The following PNPLA7 variants were observed in gnomAD, a reference collection of about 807,000 sequenced individuals.
PNPLA7 encodes the protein patatin-like phospholipase domain-containing protein 7.
In PNPLA7, 153 loss-of-function variants were observed where a neutral mutation model predicts 161.7. The observed-to-expected ratio is 0.95, with a 90% CI of 0.83 to 1.08. The LOEUF is 1.08. Among genes scored for constraint, PNPLA7 ranks in the 50% least tolerant of loss-of-function variants. The pLI is 0.00. For synonymous variants in PNPLA7, 809 were observed against 782.1 expected (o/e 1.03, Z -0.57); for missense variants, 1,739 against 1,856.6 (o/e 0.94, Z 1.16).
At chr9:137,503,897 A>AGAAGGAGGAG in intron 14 of PNPLA7, among the ~76,000 whole-genome samples, 1 of 148,070 alleles carries the variant, frequency 6.8e-6, no homozygotes, top group African/African-American at 2.6e-5. Context: ...AGGAAGAAGA[A>AGAAGGAGGAG]GAAGGAAGAA....
chr9:137,486,180 AG>A lies in PNPLA7; in HGVS notation c.2198-1445del. 6.6e-6 allele frequency among the ~76,000 whole-genome samples: 1 copy of A among 152,096 alleles called. No homozygotes were observed. The highest frequency in any genetic ancestry group is 2.1e-4 in the South Asian group (1 of 4,818). On this transcript the variant is annotated intron_variant, in intron 20 of 34. Transcript: ENST00000406427. The surrounding 1 kb of genome is among the most constrained non-coding windows in gnomAD (Gnocchi z 6.0). ...GCAGGTCCTGATTGGCCAAGGTCAG[AG>A]TAAGGGGACGCGGCATGGTGAGGGA...
At chr9:137,528,706 CTTTTTTTTTTTTG>C (rs1564357093) in intron 8 of PNPLA7, among the ~76,000 whole-genome samples, 1 of 141,624 alleles carries the variant, frequency 7.1e-6, no homozygotes, top group Non-Finnish European at 1.5e-5. Context: ...TTCTTCCAGC[CTTTTTTTTTTTTG>C]AGATGGAGTC....
At chr9:137,494,255 G>A (rs145151981) in intron 19 of PNPLA7, among the ~76,000 whole-genome samples, 183 of 152,010 alleles carry the variant, frequency 1.2e-3, no homozygotes, top group African/African-American at 4.1e-3. Context: ...CGAGCAGCCC[G>A]CCCTGTCCTT....
chr9:137,480,838 C>A, intron 22 of PNPLA7, 122 bp downstream of exon 22: 3 of 1,109,796 alleles, frequency 2.7e-6, no homozygotes, highest in South Asian at 1.4e-5. Flanking sequence ...AGCCCTCACA[C>A]CACAGTGTGC....
In PNPLA7 at chr9:137,481,075, C is replaced by T. The variant is rs377364720; in HGVS notation, c.2348-52G>A. 4,191 of 1,535,456 alleles carry T rather than the reference C, an allele frequency of 2.7e-3. 26 individuals are homozygous for T. In the Middle Eastern group the frequency reaches 0.035, roughly 13 times the overall value. The stretch of plus-strand genomic sequence containing the variant: ...GCCTGCCTGGGCAGCCCACCTCCAA[C>T]GCCAACAAGGCACCGACACCCAGCA... On this transcript the variant is annotated intron_variant, in intron 21 of 34. Coordinates refer to ENST00000406427, the MANE Select transcript of PNPLA7 (RefSeq NM_001098537.3).
Position 137,468,809 on chromosome 9 carries a change from T to C in PNPLA7, c.2883-1336A>G, listed in dbSNP as rs1187389493. On this transcript the variant is annotated intron_variant, in intron 25 of 34. Transcript: ENST00000406427. The surrounding 1 kb of genome is among the most constrained non-coding windows in gnomAD (Gnocchi z 4.0). ...ACGACATTGTAACAACATTGTATCA[T>C]TAATTATATTAATATGATATATTAA... Among the ~76,000 whole-genome samples the C allele has an allele frequency of 6.6e-6, 1 of 152,134 alleles. No individual in the cohort carries two copies. Among genetic ancestry groups the C allele is most frequent in the Admixed American group, 6.5e-5 (1 of 15,274 alleles).
intron 9 of PNPLA7, among the ~76,000 whole-genome samples, chr9:137,522,267 G>A (rs1215563902): frequency 1.3e-5 from 2 of 151,196 alleles, no homozygotes; most frequent in Non-Finnish European, 2.9e-5. Context: ...GCAGAGACGG[G>A]GTTTCACCGT....
rs757739646 is a variant in PNPLA7 at position 137,463,440 on chromosome 9, G to A, written c.3318C>T (p.Asp1106=). ...CDPKDGHLLM[D]GGYINNLPAD... ...CTGGGAGGTTGTTGATGTAGCCCCC[G>A]TCCATCAGCAGGTGTCCGTCCTTCG... Residue 1106 remains aspartate, a synonymous_variant, in exon 29 of 35, where the codon GAC becomes GAT. Coordinates refer to ENST00000406427, the MANE Select transcript of PNPLA7 (RefSeq NM_001098537.3). 9.4e-6 allele frequency: 15 copies of A among 1,602,206 alleles called. No homozygotes were observed. The highest frequency in any genetic ancestry group is 3.4e-5 in the South Asian group (3 of 88,916).
intron 26 of PNPLA7, chr9:137,464,845 C>G: frequency 4.1e-6 from 1 of 242,244 alleles, no homozygotes; most frequent in Non-Finnish European, 8.2e-6. Context: ...GGCTGCTGGG[C>G]ACATGAGGTT....
chr9:137,499,133 CACAG>C lies in PNPLA7; in HGVS notation c.1758-892_1758-889del, dbSNP rs1833235092. The stretch of plus-strand genomic sequence containing the variant: ...ACACACAGGCAGACACACAGACACA[CACAG>C]ACACACGGAGACAGAGACACTCGCA... On this transcript the variant is annotated intron_variant, in intron 16 of 34. Transcript: ENST00000406427. The surrounding 1 kb of genome is among the most constrained non-coding windows in gnomAD (Gnocchi z 5.5). Among the ~76,000 whole-genome samples the C allele has an allele frequency of 6.6e-6, 1 of 151,898 alleles. No individual in the cohort carries two copies. The highest frequency in any genetic ancestry group is 1.5e-5 in the Non-Finnish European group (1 of 67,974).
In PNPLA7 at chr9:137,461,603, G is replaced by C; in HGVS notation, c.3774C>G (p.Asn1258Lys). ...TTTCGGCAAGGTCCGTGAAGGAGGC[G>C]TTGGGACAGGTGAGGACCTAGGGGT... ...KPASAVLTCP[N>K]ASFTDLAEIV... The change falls in exon 33 of 35, where the codon AAC becomes AAG. Residue 1258 changes from asparagine to lysine, a missense_variant. Physicochemically the swap from Asn to Lys is moderately conservative, Grantham distance 94. Coordinates refer to ENST00000406427, the MANE Select transcript of PNPLA7 (RefSeq NM_001098537.3). 1 of 1,612,514 alleles carries C rather than the reference G, an allele frequency of 6.2e-7. No individual in the cohort carries two copies. Among genetic ancestry groups the C allele is most frequent in the Non-Finnish European group, 8.5e-7 (1 of 1,179,518 alleles).
At chr9:137,512,581 A>C (rs1834296894) in intron 12 of PNPLA7, among the ~76,000 whole-genome samples, 1 of 152,224 alleles carries the variant, frequency 6.6e-6, no homozygotes, top group Non-Finnish European at 1.5e-5. Flanking sequence ...TTATGGAGTC[A>C]TCAAACCGTC....
At chr9:137,489,709 A>G (rs998587962) in intron 20 of PNPLA7, among the ~76,000 whole-genome samples, 2 of 152,204 alleles carry the variant, frequency 1.3e-5, no homozygotes, top group Non-Finnish European at 2.9e-5. Flanking sequence ...ATGACAGAAC[A>G]TTTTTTTAAA....
Position 137,500,825 on chromosome 9 carries a change from GTCC to G in PNPLA7, c.1620_1622del (p.Glu540del), listed in dbSNP as rs1263741715. ...CGGGGCGCGTGAGGAACAAGCAGGT[GTCC>G]TCCTGGCTGCCGATCTTCCGCTGGT... On this transcript the variant is annotated inframe_deletion, in exon 16 of 35. Transcript: ENST00000406427. The surrounding 1 kb of genome is among the most constrained non-coding windows in gnomAD (Gnocchi z 5.5). 1.2e-6 allele frequency: 2 copies of G among 1,604,782 alleles called. No homozygotes were observed. The highest frequency in any genetic ancestry group is 1.1e-5 in the South Asian group (1 of 89,528).
At chr9:137,461,381 G>A (rs981898800) in intron 33 of PNPLA7, 155 bp downstream of exon 33, 2 of 785,702 alleles carry the variant, frequency 2.5e-6, no homozygotes, top group African/African-American at 1.8e-5. Flanking sequence ...TGCCCGGGAC[G>A]GAGGAGTGCC....
At chr9:137,497,357 C>A (rs779593745) in intron 17 of PNPLA7, 47 bp from the exon 18 acceptor site, 31 of 1,437,100 alleles carry the variant, frequency 2.2e-5, no homozygotes, top group Middle Eastern at 3.6e-4. Flanking sequence ...CCAGCCTCAG[C>A]CTCCACACCC....
At chr9:137,507,224 G>A (rs1368901145) in intron 12 of PNPLA7, among the ~76,000 whole-genome samples, 3 of 152,242 alleles carry the variant, frequency 2.0e-5, no homozygotes, top group Non-Finnish European at 4.4e-5. Context: ...AAAAAAATCC[G>A]AACTGGAAAG....
rs184443464 is a variant in PNPLA7 at position 137,495,008 on chromosome 9, G to A, written c.2127+25C>T. ...TCCACTCCACACCCTCATCCGCTCC[G>A]CATCCTCACCCACGCCATGCTCACC... On this transcript the variant is annotated intron_variant, in intron 19 of 34. Coordinates refer to ENST00000406427, the MANE Select transcript of PNPLA7 (RefSeq NM_001098537.3). 22 of 1,583,236 alleles carry A rather than the reference G, an allele frequency of 1.4e-5. 1 individual carries two copies. In the South Asian group the frequency reaches 1.9e-4, roughly 14 times the overall value.
chr9:137,539,351 C>T (rs1224168075), intron 8 of PNPLA7, among the ~76,000 whole-genome samples: 1 of 151,886 alleles, frequency 6.6e-6, no homozygotes, highest in East Asian at 1.9e-4. Flanking sequence ...TCAAAACAAA[C>T]AAACAAACAA....
Sources: gnomAD v4.1 joint callset for allele counts (sites outside exome capture counted in the v4.1 genomes callset) on GRCh38, gnomAD v4.1.1 for gene constraint, Gnocchi (gnomAD v3.1) non-coding constraint, MANE v1.5 for transcripts, NCBI Gene and HGNC (gene_info 2026-07-23, HGNC 2026-07-21) for gene names.